TNRC6C: variants seen among roughly 807,000 people sequenced by gnomAD.
TNRC6C encodes the protein trinucleotide repeat containing adaptor 6C, also known as trinucleotide repeat-containing gene 6C protein.
A neutral mutation model predicts 153.7 loss-of-function variants in TNRC6C; 20 were observed. The observed-to-expected ratio is 0.13, with a 90% confidence interval of 0.09 to 0.19. The LOEUF (loss-of-function observed/expected upper bound fraction) is 0.19, where lower values mean the gene tolerates loss of function less well. Ranked by LOEUF, TNRC6C falls within the 10% of genes least tolerant of loss-of-function variation. The probability of loss-of-function intolerance (pLI) is 1.00; values close to 1 mark genes in which losing one functional copy is unlikely to be tolerated. For synonymous variants in TNRC6C, 811 were observed against 841.4 expected (o/e 0.96, Z 0.63); for missense variants, 1,987 against 2,172.0 (o/e 0.91, Z 1.69).
chr17:78,016,595 A>G (rs2071733065), intron 1 of TNRC6C, among the ~76,000 whole-genome samples: 1 of 152,232 alleles, frequency 6.6e-6, no homozygotes, highest in Non-Finnish European at 1.5e-5. Context: ...GTTTAGAACC[A>G]GAGTAAGATC....
chr17:77,991,628 A>T (rs1266632096), intron 1 of TNRC6C, among the ~76,000 whole-genome samples: 3 of 152,208 alleles, frequency 2.0e-5, no homozygotes, highest in African/African-American at 7.2e-5. Flanking sequence ...GCCTCTCTGG[A>T]CTGCAGGAGA....
intron 5 of TNRC6C, 113 bp downstream of exon 7, chr17:78,068,036 T>C: frequency 7.6e-7 from 1 of 1,319,106 alleles, no homozygotes; most frequent in African/African-American, 1.5e-5. Context: ...CAAAGTAGTC[T>C]TAGGACCCTT....
chr17:78,015,558 A>C (rs140447583), intron 1 of TNRC6C, among the ~76,000 whole-genome samples: 62 of 152,352 alleles, frequency 4.1e-4, no homozygotes, highest in African/African-American at 1.4e-3. Flanking sequence ...ACTGGGAAAC[A>C]GTGGTATACC....
chr17:78,097,843 T>C, intron 16 of TNRC6C: 2 of 1,548,694 alleles, frequency 1.3e-6, no homozygotes, highest in East Asian at 2.4e-5. Context: ...CAGCATTGCA[T>C]CCGCACCTAG....
At chr17:77,980,188 A>G (rs970249498) in intron 1 of TNRC6C, among the ~76,000 whole-genome samples, 1 of 152,256 alleles carries the variant, frequency 6.6e-6, no homozygotes, top group African/African-American at 2.4e-5. Flanking sequence ...TGTGTAAAAC[A>G]GTAAAAATAT....
exon 2 of TNRC6C, chr17:78,031,668 G>A: frequency 4.9e-6 from 6 of 1,232,426 alleles, no homozygotes; most frequent in Non-Finnish European, 6.1e-6. Flanking sequence ...GCCTCGTGAG[G>A]TGCCTCCACG....
intron 2 of TNRC6C, among the ~76,000 whole-genome samples, chr17:78,039,309 G>GCCCCCC (rs11306576): frequency 8.8e-6 from 1 of 113,552 alleles, no homozygotes; most frequent in Non-Finnish European, 1.8e-5. Flanking sequence ...TTCAAATCTT[G>GCCCCCC]CCCCCCCCCC....
rs369779944 is a variant in TNRC6C, at chr17:78,049,748, A to G, written c.686A>G (p.Asn229Ser). 1.4e-5 allele frequency: 23 copies of G among 1,590,346 alleles called. No individual in the cohort carries two copies. The African/African-American group carries it at 3.0e-4, about 20-fold the overall frequency. The change falls in exon 3 of 20, where the codon AAT becomes AGT. Residue 229 changes from asparagine (N) to serine (S), a missense_variant. Around this residue, in one of 4 missense-constraint regions of TNRC6C, gnomAD observed 1,052 missense variants for 1,017.0 expected, o/e 1.03. Transcript: ENST00000301624. The surrounding 1 kb of genome is among the most constrained non-coding windows in gnomAD (Gnocchi z 4.1). ...CACCTGCAAGGCCTTCCTGGTGCTA[A>G]TGGATCATCAGTTTCTCAAGTCAGT...
At chr17:78,089,882 G>T (rs2073363662) in intron 13 of TNRC6C, among the ~76,000 whole-genome samples, 1 of 152,154 alleles carries the variant, frequency 6.6e-6, no homozygotes, top group Admixed American at 6.5e-5. Flanking sequence ...TGTTTCAGGG[G>T]CCCATTTTGC....
At chr17:78,036,499 T>A (rs951095841) in intron 2 of TNRC6C, among the ~76,000 whole-genome samples, 1 of 152,026 alleles carries the variant, frequency 6.6e-6, no homozygotes, top group Admixed American at 6.6e-5. Context: ...AATTAAACAA[T>A]AGAGGAGCAG....
chr17:78,106,884 C>CAAAAAAAAAAAAA (rs72217904), exon 20 of TNRC6C: 1 of 75,730 alleles, frequency 1.3e-5, no homozygotes. Context: ...AAAAAAAATA[C>CAAAAAAAAAAAAA]AAAAAAAAAA....
intron 1 of TNRC6C, among the ~76,000 whole-genome samples, chr17:77,982,171 G>A (rs2071087978): frequency 6.6e-6 from 1 of 152,174 alleles, no homozygotes; most frequent in Admixed American, 6.5e-5. Flanking sequence ...GTCTTGGAGG[G>A]TCTATAGAAC....
intron 18 of TNRC6C, 28 bp from the exon 22 acceptor site, chr17:78,103,386 A>G: frequency 6.2e-7 from 1 of 1,611,052 alleles, no homozygotes. Flanking sequence ...AAGAAAGCTC[A>G]TTCATGTCCC....
chr17:77,964,241 C>T (rs1343405007), intron 1 of TNRC6C, among the ~76,000 whole-genome samples: 1 of 152,194 alleles, frequency 6.6e-6, no homozygotes, highest in Non-Finnish European at 1.5e-5. Context: ...CTCTGTTTTT[C>T]TTCTTCAGAC....
intron 1 of TNRC6C, among the ~76,000 whole-genome samples, chr17:77,989,097 TA>T (rs1453412429): frequency 6.6e-6 from 1 of 152,232 alleles, no homozygotes; most frequent in Non-Finnish European, 1.5e-5. Context: ...AACACAATGT[TA>T]CTTTCTTGGC....
At chr17:78,033,952 C>A (rs1347173740) in intron 2 of TNRC6C, among the ~76,000 whole-genome samples, 1 of 152,194 alleles carries the variant, frequency 6.6e-6, no homozygotes. Flanking sequence ...GCCGTGGTCA[C>A]CTAGTTACTA....
Position 78,067,965 on chromosome 17 carries a change from A to G in TNRC6C, c.2778+42A>G, listed in dbSNP as rs755264683. 6 of 1,556,898 alleles carry G rather than the reference A, an allele frequency of 3.9e-6. No homozygotes were observed. The South Asian group carries it at 6.2e-5, about 16-fold the overall frequency. ...TAACGACGGTACACCCTGAAAACCA[A>G]AGGTACTTCAGACACATTCAGTATC... On this transcript the variant is annotated intron_variant, in intron 5 of 19. Transcript: ENST00000301624.
intron 10 of TNRC6C, among the ~76,000 whole-genome samples, chr17:78,080,479 C>T (rs570429045): frequency 2.6e-5 from 4 of 152,136 alleles, no homozygotes; most frequent in Admixed American, 6.5e-5. Context: ...AAGGTCAAAT[C>T]GAATTAAGGA....
chr17:78,024,285 TTTC>T (rs1348739010), intron 1 of TNRC6C, among the ~76,000 whole-genome samples: 1 of 152,178 alleles, frequency 6.6e-6, no homozygotes, highest in Admixed American at 6.5e-5. Flanking sequence ...GACAGCAAGT[TTTC>T]TTCTCTGTTG....
Sources: gnomAD v4.1 joint callset for allele counts (sites outside exome capture counted in the v4.1 genomes callset) on GRCh38, gnomAD v4.1.1 for gene constraint, gnomAD v4.1.1 regional missense constraint, Gnocchi (gnomAD v3.1) non-coding constraint, MANE v1.5 for transcripts, NCBI Gene and HGNC (gene_info 2026-07-23, HGNC 2026-07-21) for gene names.